Variants in PCCA observed in about 807,000 individuals in gnomAD.
PCCA encodes the protein propionyl-CoA carboxylase alpha chain, mitochondrial.
PCCA carries 74 observed loss-of-function variants against 101.3 expected under a neutral mutation model. The observed-to-expected ratio is 0.73, with a 90% CI of 0.61 to 0.89. The LOEUF (loss-of-function observed/expected upper bound fraction) is 0.89, where lower values mean the gene tolerates loss of function less well. PCCA is among the 40% of genes least tolerant of loss of function. The pLI, the probability that PCCA is intolerant of heterozygous loss-of-function variation, is 0.00. For synonymous variants in PCCA, 294 were observed against 313.6 expected (o/e 0.94, Z 0.66); for missense variants, 891 against 907.0 (o/e 0.98, Z 0.23).
intron 7 of PCCA, among the ~76,000 whole-genome samples, chr13:100,226,608 C>T (rs536374619): frequency 6.6e-6 from 1 of 152,302 alleles, no homozygotes; most frequent in South Asian, 2.1e-4. Context: ...GTTCGTAGAT[C>T]GTCTGATCCA....
At chr13:100,371,263 T>C (rs987708088) in intron 19 of PCCA, among the ~76,000 whole-genome samples, 3 of 152,196 alleles carry the variant, frequency 2.0e-5, no homozygotes, top group Non-Finnish European at 4.4e-5. Context: ...ATATACATAC[T>C]TAATGGCACC....
intron 7 of PCCA, among the ~76,000 whole-genome samples, chr13:100,215,885 C>T (rs2059477519): frequency 6.6e-6 from 1 of 152,160 alleles, no homozygotes; most frequent in Non-Finnish European, 1.5e-5. Context: ...AGTGATTCAC[C>T]TGCCTTGGCC....
intron 6 of PCCA, among the ~76,000 whole-genome samples, chr13:100,207,679 C>G (rs193240368): frequency 4.5e-4 from 69 of 152,088 alleles, no homozygotes; most frequent in Admixed American, 2.2e-3. Context: ...CACACCCGGA[C>G]TGCCATTCAC....
intron 21 of PCCA, among the ~76,000 whole-genome samples, chr13:100,478,259 G>T (rs747499994): frequency 6.6e-6 from 1 of 152,138 alleles, no homozygotes; most frequent in Non-Finnish European, 1.5e-5. Flanking sequence ...TCTGAGGAGC[G>T]GTCTGTCGCC....
At chr13:100,095,403 T>A (rs1214583671) in intron 1 of PCCA, among the ~76,000 whole-genome samples, 1 of 152,220 alleles carries the variant, frequency 6.6e-6, no homozygotes, top group Non-Finnish European at 1.5e-5. Context: ...ATTGTGACTG[T>A]TTCTGCTCCC....
chr13:100,131,636 T>A (rs578033145), intron 4 of PCCA, among the ~76,000 whole-genome samples: 5 of 152,248 alleles, frequency 3.3e-5, no homozygotes, highest in Non-Finnish European at 5.9e-5. Flanking sequence ...TGCTTTTTTT[T>A]ATACAGTGTT....
intron 7 of PCCA, among the ~76,000 whole-genome samples, chr13:100,211,604 T>G (rs1404105174): frequency 3.3e-5 from 5 of 152,204 alleles, no homozygotes; most frequent in Non-Finnish European, 1.5e-5. Context: ...CGATTGTTCT[T>G]CCTATCTTTG....
chr13:100,254,768 A>G (rs1410952331), intron 8 of PCCA, among the ~76,000 whole-genome samples: 1 of 152,154 alleles, frequency 6.6e-6, no homozygotes, highest in Admixed American at 6.5e-5. Context: ...ATTTCAGAAT[A>G]TAGCTCAATG....
intron 5 of PCCA, among the ~76,000 whole-genome samples, chr13:100,155,995 T>G (rs1386474457): frequency 6.6e-6 from 1 of 152,254 alleles, no homozygotes; most frequent in African/African-American, 2.4e-5. Context: ...GTTGGTGGAA[T>G]GAAAACTCTT....
chr13:100,470,751 C>T (rs562204192), intron 21 of PCCA, among the ~76,000 whole-genome samples: 4 of 152,238 alleles, frequency 2.6e-5, no homozygotes, highest in East Asian at 1.9e-4. Flanking sequence ...CCACTCTACT[C>T]GGGAGGCTGA....
intron 19 of PCCA, among the ~76,000 whole-genome samples, chr13:100,407,586 T>C (rs1232719308): frequency 6.6e-6 from 1 of 152,210 alleles, no homozygotes; most frequent in Non-Finnish European, 1.5e-5. Flanking sequence ...AAAACCATAT[T>C]ATACCTTTTG....
intron 19 of PCCA, among the ~76,000 whole-genome samples, chr13:100,396,594 C>T (rs1244337019): frequency 2.0e-5 from 3 of 152,056 alleles, no homozygotes; most frequent in East Asian, 1.9e-4. Flanking sequence ...CATAAGCAGC[C>T]GAGGCTAGGC....
chr13:100,166,389 C>T lies in PCCA; in HGVS notation c.468+9049C>T, dbSNP rs573493454. On this transcript the variant is annotated intron_variant, in intron 6 of 23. Coordinates refer to ENST00000376285, the MANE Select transcript of PCCA (RefSeq NM_000282.4). ...GAGTGCAGTGGCACAACTTCCGCCTCCTGGGCTCAAGTAATTCTTGTGCCT... is the reference window on the plus strand; with the variant it reads ...GAGTGCAGTGGCACAACTTCCGCCTTCTGGGCTCAAGTAATTCTTGTGCCT... Among the ~76,000 whole-genome samples the T allele has an allele frequency of 5.3e-5, 8 of 152,282 alleles. No homozygotes were observed. In the South Asian group the frequency reaches 1.7e-3, roughly 32 times the overall value.
intron 2 of PCCA, among the ~76,000 whole-genome samples, chr13:100,109,808 T>C (rs1343025912): frequency 6.6e-6 from 1 of 152,174 alleles, no homozygotes; most frequent in African/African-American, 2.4e-5. Context: ...TTTTCACTTC[T>C]GAGATTCTGG....
chr13:100,195,106 T>C (rs1174420552), intron 6 of PCCA, among the ~76,000 whole-genome samples: 1 of 152,136 alleles, frequency 6.6e-6, no homozygotes, highest in Non-Finnish European at 1.5e-5. Context: ...AAATTTAAAA[T>C]GATATAAAAT....
chr13:100,398,373 T>TGGGAA (rs2077156771), intron 19 of PCCA, among the ~76,000 whole-genome samples: 1 of 152,202 alleles, frequency 6.6e-6, no homozygotes, highest in East Asian at 1.9e-4. Flanking sequence ...GTTTCATTCT[T>TGGGAA]GGTTGAGTAT....
intron 8 of PCCA, among the ~76,000 whole-genome samples, chr13:100,247,609 G>A (rs1021061748): frequency 6.6e-6 from 1 of 150,474 alleles, no homozygotes; most frequent in Admixed American, 6.6e-5. Context: ...TGCCTCCCGG[G>A]TTCAAGCAAT....
intron 19 of PCCA, among the ~76,000 whole-genome samples, chr13:100,412,848 A>C (rs552972759): frequency 1.4e-4 from 21 of 152,208 alleles, no homozygotes; most frequent in Non-Finnish European, 3.1e-4. Context: ...GAAAAGAAAA[A>C]GGAGTTTTAT....
At chr13:100,385,028 A>G (rs915562913) in intron 19 of PCCA, among the ~76,000 whole-genome samples, 3 of 152,074 alleles carry the variant, frequency 2.0e-5, no homozygotes, top group Non-Finnish European at 4.4e-5. Context: ...TGTTATGATC[A>G]TTAAACTACT....
Sources: gnomAD v4.1 joint callset for allele counts (sites outside exome capture counted in the v4.1 genomes callset) on GRCh38, gnomAD v4.1.1 for gene constraint, MANE v1.5 for transcripts, NCBI Gene and HGNC (gene_info 2026-07-23, HGNC 2026-07-21) for gene names.